PHF24: variants seen among roughly 807,000 people sequenced by gnomAD.
PHF24 encodes PHD finger protein 24.
Under a neutral mutation model 42.6 loss-of-function variants are expected in PHF24, and 25 were observed. The observed-to-expected ratio is 0.59, with a 90% CI of 0.43 to 0.82. The LOEUF (loss-of-function observed/expected upper bound fraction) is 0.82, where lower values mean the gene tolerates loss of function less well. Among genes scored for constraint, PHF24 ranks in the 40% least tolerant of loss-of-function variants. PHF24 has a pLI of 0.00. For synonymous variants in PHF24, 185 were observed against 204.8 expected, an observed-to-expected ratio of 0.90 and a Z score of 0.83; for missense variants, 470 against 538.1, an observed-to-expected ratio of 0.87 and a Z score of 1.25.
chr9:34,959,973 C>T (rs1370297423), intron 1 of PHF24, among the ~76,000 whole-genome samples: 2 of 152,200 alleles, frequency 1.3e-5, no homozygotes, highest in Non-Finnish European at 2.9e-5. Context: ...CCAAGAGTGC[C>T]TCTGCATGAG....
the PHF24 span, among the ~76,000 whole-genome samples, chr9:34,890,578 A>G: frequency 4.6e-5 from 7 of 152,046 alleles, no homozygotes; most frequent in Non-Finnish European, 7.4e-5. Context: ...TTTCAGTCCA[A>G]CCCCTTCTGG....
chr9:34,835,281 G>A, the PHF24 span: 1 of 1,552,054 alleles, frequency 6.4e-7, no homozygotes, highest in Non-Finnish European at 8.7e-7. Context: ...GTATTATTCA[G>A]GTTGAAAGAA....
At chr9:34,917,270 G>A in the PHF24 span, 1 of 1,080,490 alleles carries the variant, frequency 9.3e-7, no homozygotes. Context: ...TGTATATCTG[G>A]ATCGATGGTA....
At chr9:34,721,558 G>A in the PHF24 span, among the ~76,000 whole-genome samples, 1 of 151,974 alleles carries the variant, frequency 6.6e-6, no homozygotes, top group Admixed American at 6.6e-5. Flanking sequence ...TTACAGGTGC[G>A]CACCACCACG....
chr9:34,846,649 A>G, the PHF24 span, among the ~76,000 whole-genome samples: 2 of 152,002 alleles, frequency 1.3e-5, no homozygotes, highest in East Asian at 1.9e-4. Context: ...TTTGCTTTTG[A>G]TGTTTTAGAC....
chr9:34,666,966 C>T, the PHF24 span, among the ~76,000 whole-genome samples: 1 of 150,228 alleles, frequency 6.7e-6, no homozygotes, highest in South Asian at 2.1e-4. Flanking sequence ...AACAAAACAA[C>T]CAACAAACAA....
Position 34,977,081 on chromosome 9 carries a change from A to C in PHF24, c.850-2A>C. ...TCTAAGATCTTGTCTCTTCTTCCCCAGAACTCTCTGTTGAGGCTTCTGACA... is the reference window on the plus strand; with the variant it reads ...TCTAAGATCTTGTCTCTTCTTCCCCCGAACTCTCTGTTGAGGCTTCTGACA... On this transcript the variant is annotated splice_acceptor_variant, in intron 5 of 7. Coordinates refer to ENST00000242315, the Ensembl canonical transcript of PHF24. LOFTEE classifies it high-confidence loss of function. 1.3e-6 allele frequency: 2 copies of C among 1,588,140 alleles called. No homozygotes were observed. Among genetic ancestry groups the C allele is most frequent in the Non-Finnish European group, 1.7e-6 (2 of 1,166,620 alleles).
chr9:34,836,828 T>C, the PHF24 span, among the ~76,000 whole-genome samples: 1 of 152,176 alleles, frequency 6.6e-6, no homozygotes, highest in East Asian at 1.9e-4. Flanking sequence ...TTATGAATAA[T>C]GTACTAGTAA....
chr9:34,787,537 A>G, the PHF24 span, among the ~76,000 whole-genome samples: 2 of 152,204 alleles, frequency 1.3e-5, no homozygotes, highest in African/African-American at 4.8e-5. Context: ...TAAGGTTTCC[A>G]TCTCATTCCA....
the PHF24 span, among the ~76,000 whole-genome samples, chr9:34,853,546 C>T: frequency 8.5e-5 from 13 of 152,166 alleles, no homozygotes; most frequent in South Asian, 8.3e-4. Context: ...GGCACCAGCT[C>T]GGCCGGGCGC....
chr9:34,673,182 C>G, the PHF24 span, among the ~76,000 whole-genome samples: 1 of 152,094 alleles, frequency 6.6e-6, no homozygotes, highest in Non-Finnish European at 1.5e-5. Context: ...CTAGTGAAAT[C>G]CTGTCTCTAC....
At chr9:34,842,253 T>C in the PHF24 span, among the ~76,000 whole-genome samples, 3 of 152,216 alleles carry the variant, frequency 2.0e-5, no homozygotes, top group African/African-American at 7.2e-5. Context: ...ACATTTGAGT[T>C]ATTACCAGTT....
the PHF24 span, among the ~76,000 whole-genome samples, chr9:34,739,053 C>T: frequency 6.6e-6 from 1 of 152,146 alleles, no homozygotes; most frequent in African/African-American, 2.4e-5. Context: ...TACCATGATT[C>T]TGGGTTTTAG....
the PHF24 span, among the ~76,000 whole-genome samples, chr9:34,740,224 G>A: frequency 6.6e-6 from 1 of 152,230 alleles, no homozygotes; most frequent in Non-Finnish European, 1.5e-5. Context: ...CCAGTCCCCG[G>A]CCGTGCGCCC....
the PHF24 span, among the ~76,000 whole-genome samples, chr9:34,873,048 GTTGT>G: frequency 1.3e-4 from 20 of 149,400 alleles, no homozygotes; most frequent in Admixed American, 6.0e-4. Context: ...TTTTGATGGG[GTTGT>G]TTGTTTTTTT....
the PHF24 span, among the ~76,000 whole-genome samples, chr9:34,875,950 ACTCTCT>A: frequency 0.012 from 983 of 78,674 alleles, 10 homozygotes; most frequent in Non-Finnish European, 0.016. Flanking sequence ...ACACACACAC[ACTCTCT>A]CTCTCTCTCT....
chr9:34,752,278 A>C, the PHF24 span, among the ~76,000 whole-genome samples: 1 of 152,156 alleles, frequency 6.6e-6, no homozygotes, highest in Non-Finnish European at 1.5e-5. Flanking sequence ...GAAAAGATAA[A>C]CAAAATTGAC....
At chr9:34,828,550 G>T in the PHF24 span, among the ~76,000 whole-genome samples, 2 of 152,104 alleles carry the variant, frequency 1.3e-5, no homozygotes, top group Non-Finnish European at 1.5e-5. Flanking sequence ...ATCACCAATT[G>T]CTCTCCTTCT....
At chr9:34,832,080 A>T in the PHF24 span, among the ~76,000 whole-genome samples, 1 of 152,090 alleles carries the variant, frequency 6.6e-6, no homozygotes, top group African/African-American at 2.4e-5. Context: ...CCCTTAACAC[A>T]ATACAGTGGA....
Sources: gnomAD v4.1 joint callset for allele counts (sites outside exome capture counted in the v4.1 genomes callset) on GRCh38, gnomAD v4.1.1 for gene constraint, MANE v1.5 for transcripts, NCBI Gene and HGNC (gene_info 2026-07-23, HGNC 2026-07-21) for gene names.